GLIS3: variants seen among roughly 807,000 people sequenced by gnomAD.
GLIS3 encodes zinc finger protein GLIS3.
GLIS3 carries 53 observed loss-of-function variants against 78.6 expected under a neutral mutation model. The ratio of observed to expected loss-of-function variants is 0.67; its 90% confidence interval spans 0.54 to 0.85. GLIS3 has a LOEUF of 0.85. Among genes scored for constraint, GLIS3 ranks in the 40% least tolerant of loss-of-function variants. The pLI is 0.00. For missense variants in GLIS3, 1,703 were observed against 1,231.1 expected (o/e 1.38, Z -5.74); for synonymous variants, 684 against 509.9 (o/e 1.34, Z -4.60).
the GLIS3 span, among the ~76,000 whole-genome samples, chr9:4,379,660 T>G: frequency 6.6e-6 from 1 of 152,306 alleles, no homozygotes; most frequent in Non-Finnish European, 1.5e-5. Flanking sequence ...TCATGACTAT[T>G]TGCTTCACTT....
chr9:4,052,348 T>A (rs893030670), intron 4 of GLIS3, among the ~76,000 whole-genome samples: 2 of 152,186 alleles, frequency 1.3e-5, no homozygotes, highest in African/African-American at 4.8e-5. Context: ...ATGTTAACAT[T>A]TACCATTTTA....
chr9:4,204,689 G>A (rs1026358033), intron 2 of GLIS3, among the ~76,000 whole-genome samples: 22 of 152,166 alleles, frequency 1.4e-4, no homozygotes, highest in African/African-American at 4.1e-4. Flanking sequence ...AGGCCGAGGC[G>A]GGCAGACTGC....
intron 4 of GLIS3, among the ~76,000 whole-genome samples, chr9:4,076,190 CTTGA>C (rs1160543552): frequency 6.6e-6 from 1 of 152,136 alleles, no homozygotes; most frequent in African/African-American, 2.4e-5. Context: ...TGTAGGAAGA[CTTGA>C]TTAATGAGTT....
intron 6 of GLIS3, among the ~76,000 whole-genome samples, chr9:3,916,993 C>A (rs1165073066): frequency 6.6e-6 from 1 of 152,100 alleles, no homozygotes; most frequent in Non-Finnish European, 1.5e-5. Context: ...AAAGAGGTAA[C>A]TCTGAGATAG....
At chr9:4,208,144 C>G (rs903451296) in intron 2 of GLIS3, among the ~76,000 whole-genome samples, 1 of 152,180 alleles carries the variant, frequency 6.6e-6, no homozygotes, top group Non-Finnish European at 1.5e-5. Context: ...GGGAGAAAAG[C>G]TTTTATTTGA....
At chr9:3,962,947 G>GT (rs1491544416) in intron 4 of GLIS3, among the ~76,000 whole-genome samples, 2 of 56,726 alleles carry the variant, frequency 3.5e-5, no homozygotes, top group African/African-American at 1.7e-4. Context: ...TGTGATTTAA[G>GT]GGGGGGGGGG....
intron 4 of GLIS3, among the ~76,000 whole-genome samples, chr9:4,022,253 G>A (rs1234668104): frequency 6.6e-6 from 1 of 152,310 alleles, no homozygotes; most frequent in Admixed American, 6.5e-5. Context: ...TGCATGGCTA[G>A]GAAATGCTAC....
At chr9:4,130,147 C>A (rs576680) in intron 2 of GLIS3, among the ~76,000 whole-genome samples, 98,043 of 152,024 alleles carry the variant, frequency 0.64, 31,938 homozygotes, top group South Asian at 0.71. Context: ...CTGTTTCTAA[C>A]AACATGTGTT....
At chr9:3,876,710 A>G (rs749140302) in intron 8 of GLIS3, among the ~76,000 whole-genome samples, 47 of 58,526 alleles carry the variant, frequency 8.0e-4, no homozygotes, top group Middle Eastern at 0.011. Context: ...GAGGGGAAGG[A>G]AAGAAAGGCA....
intron 4 of GLIS3, among the ~76,000 whole-genome samples, chr9:4,059,802 A>G (rs975411504): frequency 1.5e-4 from 7 of 46,032 alleles, no homozygotes; most frequent in South Asian, 9.8e-4. Flanking sequence ...ACTCAGCTTT[A>G]TTTGTGTGTG....
rs755087869 is a variant in GLIS3 at position 4,118,110 on chromosome 9, T to A, written c.1368A>T (p.Pro456=). ...GGGCATGGTAAGGGGGTGGGGGGCC[T>A]GGGGGCGGCGGCAGAGGAGGGAGCG... ...APPLPPLPPP[P]GPPPPYHAHA... Residue 456 remains proline (P), a synonymous_variant, in exon 4 of 11, where the codon CCA becomes CCT. Coordinates refer to ENST00000381971, the MANE Select transcript of GLIS3 (RefSeq NM_001042413.2). The surrounding 1 kb of genome is among the most constrained non-coding windows in gnomAD (Gnocchi z 4.7). The A allele has an allele frequency of 3.4e-5, 40 of 1,178,716 alleles. No individual in the cohort carries two copies. Among genetic ancestry groups the A allele is most frequent in the Non-Finnish European group, 3.9e-5 (33 of 854,756 alleles). The allele number at this position is 1,178,716 out of a possible 1,614,324, so 73.0% of individuals were successfully genotyped here.
At chr9:3,874,738 A>G (rs968607963) in intron 8 of GLIS3, among the ~76,000 whole-genome samples, 2 of 152,232 alleles carry the variant, frequency 1.3e-5, no homozygotes, top group Admixed American at 6.5e-5. Context: ...GAAAACCCCC[A>G]CACAGTTGGT....
chr9:4,358,583 T>C, the GLIS3 span, among the ~76,000 whole-genome samples: 11 of 152,282 alleles, frequency 7.2e-5, no homozygotes, highest in Admixed American at 2.0e-4. Context: ...AGAGAAAATA[T>C]TGGCCTTCGT....
chr9:3,958,712 A>G (rs1185328047), intron 4 of GLIS3, among the ~76,000 whole-genome samples: 1 of 152,248 alleles, frequency 6.6e-6, no homozygotes, highest in Non-Finnish European at 1.5e-5. Context: ...TAAACAAACA[A>G]ATGCAATAGA....
chr9:3,844,380 C>G (rs1005760423), intron 9 of GLIS3, among the ~76,000 whole-genome samples: 5 of 151,836 alleles, frequency 3.3e-5, no homozygotes, highest in African/African-American at 7.3e-5. Flanking sequence ...CTGAAGAGTC[C>G]AACAGAGGAA....
chr9:4,062,696 G>A (rs936549077), intron 4 of GLIS3, among the ~76,000 whole-genome samples: 6 of 152,196 alleles, frequency 3.9e-5, no homozygotes, highest in Admixed American at 3.9e-4. Context: ...GGGAGGCCGA[G>A]GCGGGCGGAT....
intron 6 of GLIS3, among the ~76,000 whole-genome samples, chr9:3,924,072 G>A (rs930131519): frequency 6.6e-6 from 1 of 152,184 alleles, no homozygotes; most frequent in African/African-American, 2.4e-5. Context: ...AATATAATTA[G>A]ATTTCACAGG....
intron 2 of GLIS3, among the ~76,000 whole-genome samples, chr9:4,211,503 G>A (rs1820369121): frequency 6.6e-6 from 1 of 152,246 alleles, no homozygotes; most frequent in Non-Finnish European, 1.5e-5. Context: ...ACACCAGACG[G>A]AGGGATGAAA....
rs141668064 is a variant in GLIS3, at chr9:3,919,589, G to A, written c.1983+12771C>T. Among the ~76,000 whole-genome samples the A allele has an allele frequency of 6.7e-5, 10 of 150,076 alleles. No homozygotes were observed. In the South Asian group the frequency reaches 2.1e-3, roughly 32 times the overall value. The stretch of plus-strand genomic sequence containing the variant: ...TGTACAACAAACCCTCATGACACAA[G>A]TTTACCTATATAACAAACCTGCACA... On this transcript the variant is annotated intron_variant, in intron 6 of 10. Transcript: ENST00000381971.
Sources: gnomAD v4.1 joint callset for allele counts (sites outside exome capture counted in the v4.1 genomes callset) on GRCh38, gnomAD v4.1.1 for gene constraint, Gnocchi (gnomAD v3.1) non-coding constraint, MANE v1.5 for transcripts, NCBI Gene and HGNC (gene_info 2026-07-23, HGNC 2026-07-21) for gene names.